Variants in C5 observed in about 807,000 individuals in gnomAD.
C5 encodes C3 and PZP-like alpha-2-macroglobulin domain-containing protein 4.
Under a neutral mutation model 218.8 loss-of-function variants are expected in C5, and 140 were observed. The observed-to-expected ratio is 0.64, with a 90% CI of 0.56 to 0.74. The LOEUF is 0.74. C5 is among the 30% of genes least tolerant of loss of function. The pLI is 0.00. For missense variants in C5, 1,700 were observed against 1,969.6 expected, an observed-to-expected ratio of 0.86 and a Z score of 2.59; for synonymous variants, 614 against 682.3, an observed-to-expected ratio of 0.90 and a Z score of 1.56.
chr9:120,982,088 T>G, intron 26 of C5, 149 bp from the exon 27 acceptor site: 2 of 686,652 alleles, frequency 2.9e-6, no homozygotes, highest in South Asian at 1.5e-5. Flanking sequence ...CTTGGCTCAC[T>G]GCAACCTCCG....
upstream of C5, among the ~76,000 whole-genome samples, chr9:121,054,907 T>C (rs111961779): frequency 8.5e-5 from 13 of 152,146 alleles, no homozygotes; most frequent in African/African-American, 3.1e-4. Flanking sequence ...ACGTTTGCCA[T>C]TGATTCTCTC....
At position 121,020,070 on chromosome 9, in the gene C5, T is replaced by C. The variant is rs1266951783; in HGVS notation, c.1412A>G (p.Asp471Gly). Residue 471 changes from aspartate (D) to glycine (G), a missense_variant, in exon 12 of 41, where the codon GAT (aspartate) becomes GGT (glycine). Asp to Gly is a moderately conservative substitution (Grantham distance 94). Coordinates refer to ENST00000223642, the MANE Select transcript of C5 (RefSeq NM_001735.3). ...SQSYLYIDWT[D>G]NHKALLVGEH... Reference sequence around the variant, plus strand: ...TCCCACTAGCAAAGCCTTATGGTTATCAGTCCAATCAATATAAAGGTAACT... The same window carrying C: ...TCCCACTAGCAAAGCCTTATGGTTACCAGTCCAATCAATATAAAGGTAACT... 4 of 1,613,158 alleles carry C rather than the reference T, an allele frequency of 2.5e-6. No individual in the cohort carries two copies. The highest frequency in any genetic ancestry group is 8.5e-7 in the Non-Finnish European group (1 of 1,179,244).
chr9:121,049,114 G>A (rs1221566445), intron 1 of C5, among the ~76,000 whole-genome samples: 1 of 152,140 alleles, frequency 6.6e-6, no homozygotes, highest in Non-Finnish European at 1.5e-5. Flanking sequence ...ATAAATATTT[G>A]TTGAATCAAT....
chr9:120,988,506 G>A (rs2047051224), intron 25 of C5, among the ~76,000 whole-genome samples: 1 of 152,222 alleles, frequency 6.6e-6, no homozygotes, highest in Non-Finnish European at 1.5e-5. Flanking sequence ...CAAAGGCCCT[G>A]AGGTGGAAGC....
chr9:121,042,260 A>G (rs1347697157), intron 3 of C5, among the ~76,000 whole-genome samples: 1 of 152,218 alleles, frequency 6.6e-6, no homozygotes, highest in Admixed American at 6.5e-5. Context: ...TCTGTGTTTT[A>G]CTTTTGGTTC....
intron 21 of C5, 62 bp downstream of exon 21, chr9:120,997,485 C>A (rs377594647): frequency 4.0e-5 from 48 of 1,197,034 alleles, no homozygotes; most frequent in Admixed American, 1.4e-4. Context: ...CTCTCCCCCC[C>A]CTTTCTGTGT....
intron 22 of C5, among the ~76,000 whole-genome samples, chr9:120,993,674 A>G (rs1056703447): frequency 1.3e-5 from 2 of 152,202 alleles, no homozygotes; most frequent in Non-Finnish European, 2.9e-5. Context: ...CGCCCGCCTC[A>G]GCCTCCCAAA....
intron 25 of C5, 92 bp downstream of exon 25, chr9:120,988,954 G>T: frequency 3.2e-6 from 3 of 933,392 alleles, no homozygotes; most frequent in South Asian, 1.3e-5. Flanking sequence ...CTTTTAGCCT[G>T]AGCAACTGGA....
upstream of C5, among the ~76,000 whole-genome samples, chr9:121,054,556 T>C (rs960413218): frequency 6.6e-6 from 1 of 152,136 alleles, no homozygotes; most frequent in Non-Finnish European, 1.5e-5. Context: ...GCCAAGATCG[T>C]GCCATTGCAC....
At chr9:120,964,206 G>A (rs1020978539) in intron 33 of C5, among the ~76,000 whole-genome samples, 1 of 152,234 alleles carries the variant, frequency 6.6e-6, no homozygotes, top group African/African-American at 2.4e-5. Flanking sequence ...GGCAAGGCAC[G>A]GTGGCTTACG....
chr9:121,032,855 G>A (rs1246310144), intron 5 of C5, among the ~76,000 whole-genome samples: 3 of 152,090 alleles, frequency 2.0e-5, no homozygotes, highest in Non-Finnish European at 4.4e-5. Context: ...ACAAAAATTA[G>A]TCTGGTGTGG....
chr9:121,035,183 C>T (rs1041263748), intron 4 of C5, among the ~76,000 whole-genome samples: 2 of 151,924 alleles, frequency 1.3e-5, no homozygotes, highest in African/African-American at 2.4e-5. Context: ...TGTAACAACA[C>T]GTAAAAACAA....
intron 20 of C5, among the ~76,000 whole-genome samples, chr9:121,003,849 A>T (rs1174546302): frequency 1.3e-5 from 2 of 152,206 alleles, no homozygotes; most frequent in Non-Finnish European, 2.9e-5. Flanking sequence ...ATTGAGAGAA[A>T]AATTTCATTT....
intron 12 of C5, among the ~76,000 whole-genome samples, chr9:121,019,339 G>T (rs2047343604): frequency 6.6e-6 from 1 of 152,126 alleles, no homozygotes; most frequent in African/African-American, 2.4e-5. Context: ...CATGTACTTG[G>T]CCTGGCTGTC....
At position 120,971,911 on chromosome 9, in the gene C5, A is replaced by G. The variant is rs1169652156; in HGVS notation, c.4080+19T>C. ...AAATGGACACATAACTCGTTATTGG[A>G]TATCAATTAAATACTTACATGTACT... On this transcript the variant is annotated intron_variant, in intron 31 of 40. Transcript: ENST00000223642. The G allele has an allele frequency of 2.5e-6, 4 of 1,575,764 alleles. No individual in the cohort carries two copies. Among genetic ancestry groups the G allele is most frequent in the South Asian group, 1.1e-5 (1 of 90,358 alleles).
At chr9:121,017,327 C>T in intron 14 of C5, 35 bp downstream of exon 14, 1 of 1,612,350 alleles carries the variant, frequency 6.2e-7, no homozygotes, top group Non-Finnish European at 8.5e-7. Flanking sequence ...GGCCACACTT[C>T]ATGCAACACT....
At chr9:121,022,031 T>C (rs2131774969) in intron 10 of C5, among the ~76,000 whole-genome samples, 1 of 152,220 alleles carries the variant, frequency 6.6e-6, no homozygotes, top group East Asian at 1.9e-4. Context: ...TCTCAGCTTA[T>C]AGAAAGATTT....
intron 12 of C5, among the ~76,000 whole-genome samples, chr9:121,018,786 G>C (rs1472272167): frequency 7.2e-6 from 1 of 139,778 alleles, no homozygotes; most frequent in Non-Finnish European, 1.6e-5. Flanking sequence ...AGGAAGGAAG[G>C]AAGGAAGGAA....
chr9:121,063,672 T>C, the C5 span, among the ~76,000 whole-genome samples: 1 of 152,162 alleles, frequency 6.6e-6, no homozygotes, highest in Admixed American at 6.5e-5. Context: ...GTAGGTTAGA[T>C]TTGAACCTTA....
Sources: allele counts gnomAD v4.1 joint callset (sites outside exome capture counted in the v4.1 genomes callset), GRCh38; gene constraint gnomAD v4.1.1; transcripts MANE v1.5; gene names NCBI Gene and HGNC (gene_info 2026-07-23, HGNC 2026-07-21).